CPQ: variants seen among roughly 807,000 people sequenced by gnomAD.
The protein encoded by CPQ is carboxypeptidase Q, also known as Ser-Met dipeptidase.
A neutral mutation model predicts 45.7 loss-of-function variants in CPQ; 37 were observed. The observed-to-expected ratio is 0.81, with a 90% CI of 0.62 to 1.07. CPQ has a LOEUF of 1.07. Among genes scored for constraint, CPQ ranks in the 50% least tolerant of loss-of-function variants. The probability of loss-of-function intolerance (pLI) is 0.00; values close to 1 mark genes in which losing one functional copy is unlikely to be tolerated. For synonymous variants in CPQ, 186 were observed against 205.8 expected (o/e 0.90, Z 0.82); for missense variants, 537 against 572.9 (o/e 0.94, Z 0.64).
At chr8:97,061,008 A>G (rs2513341) in intron 6 of CPQ, among the ~76,000 whole-genome samples, 117,847 of 152,054 alleles carry the variant, frequency 0.78, 45,775 homozygotes, top group African/African-American at 0.79. Context: ...GACGGTGGGT[A>G]GTTTGTTTTC....
At chr8:96,969,481 C>T (rs997140981) in intron 5 of CPQ, among the ~76,000 whole-genome samples, 2 of 151,456 alleles carry the variant, frequency 1.3e-5, no homozygotes, top group Non-Finnish European at 3.0e-5. Flanking sequence ...TTACTTTGGG[C>T]ACCTGGTAAA....
chr8:97,133,837 CT>C (rs1454722687), intron 7 of CPQ, among the ~76,000 whole-genome samples: 1 of 152,130 alleles, frequency 6.6e-6, no homozygotes, highest in Non-Finnish European at 1.5e-5. Flanking sequence ...AATAAATAAT[CT>C]TTGGGTGGAC....
intron 3 of CPQ, among the ~76,000 whole-genome samples, chr8:96,848,665 T>C (rs1343058443): frequency 1.3e-5 from 2 of 152,224 alleles, no homozygotes; most frequent in Non-Finnish European, 2.9e-5. Context: ...TTTTTATTGG[T>C]AGTATCATTA....
chr8:96,863,172 T>C (rs1313451267), intron 3 of CPQ, among the ~76,000 whole-genome samples: 1 of 152,080 alleles, frequency 6.6e-6, no homozygotes, highest in Non-Finnish European at 1.5e-5. Context: ...GTTTCTAGGA[T>C]TTCAAGCCAG....
chr8:96,888,135 T>G (rs1426299186), intron 4 of CPQ, among the ~76,000 whole-genome samples: 1 of 152,218 alleles, frequency 6.6e-6, no homozygotes, highest in African/African-American at 2.4e-5. Flanking sequence ...TAACCACTAA[T>G]GTCACTTCCT....
intron 4 of CPQ, among the ~76,000 whole-genome samples, chr8:96,960,097 G>A (rs1477035048): frequency 6.6e-6 from 1 of 152,112 alleles, no homozygotes; most frequent in East Asian, 1.9e-4. Flanking sequence ...AGCTAAGCAT[G>A]CCAAGAAAAT....
chr8:96,900,277 G>C (rs1440869580), intron 4 of CPQ, among the ~76,000 whole-genome samples: 2 of 152,170 alleles, frequency 1.3e-5, no homozygotes, highest in Non-Finnish European at 2.9e-5. Flanking sequence ...AAGCAATACA[G>C]AAGGAATGGG....
chr8:97,073,185 G>A (rs1052277155), intron 7 of CPQ, among the ~76,000 whole-genome samples: 4 of 152,116 alleles, frequency 2.6e-5, no homozygotes, highest in East Asian at 1.9e-4. Flanking sequence ...AGAATTTCAC[G>A]TATTTTCCAT....
At chr8:96,678,758 C>CTTTT (rs71267274) in intron 1 of CPQ, among the ~76,000 whole-genome samples, 1,420 of 114,804 alleles carry the variant, frequency 0.012, 48 homozygotes, top group East Asian at 0.019. Context: ...ATTATTTGGG[C>CTTTT]TTTTTTTTTT....
At chr8:96,716,518 T>C (rs963009096) in intron 1 of CPQ, among the ~76,000 whole-genome samples, 3 of 152,130 alleles carry the variant, frequency 2.0e-5, no homozygotes, top group African/African-American at 7.2e-5. Flanking sequence ...GTCCACTATA[T>C]CACTCTTAGG....
At chr8:97,080,030 G>A (rs544366335) in intron 7 of CPQ, among the ~76,000 whole-genome samples, 3 of 152,168 alleles carry the variant, frequency 2.0e-5, no homozygotes, top group East Asian at 1.9e-4. Flanking sequence ...GGCAGGCTCC[G>A]GCTAACCCAG....
intron 2 of CPQ, among the ~76,000 whole-genome samples, chr8:96,791,932 A>T (rs1810851479): frequency 6.6e-6 from 1 of 152,206 alleles, no homozygotes; most frequent in South Asian, 2.1e-4. Flanking sequence ...AATTTTTATG[A>T]GACTCCATAA....
At chr8:96,863,383 G>T (rs1379577822) in intron 3 of CPQ, among the ~76,000 whole-genome samples, 1 of 151,968 alleles carries the variant, frequency 6.6e-6, no homozygotes, top group Admixed American at 6.6e-5. Flanking sequence ...TATGATAGGG[G>T]AAGACATTTT....
intron 1 of CPQ, among the ~76,000 whole-genome samples, chr8:96,740,851 TGGATTC>T (rs1343735685): frequency 1.3e-5 from 2 of 152,212 alleles, no homozygotes; most frequent in South Asian, 4.1e-4. Context: ...GAGGTGCTGC[TGGATTC>T]GGTTTGCTAG....
At chr8:97,014,370 G>A (rs1415932877) in intron 5 of CPQ, among the ~76,000 whole-genome samples, 1 of 152,110 alleles carries the variant, frequency 6.6e-6, no homozygotes, top group Non-Finnish European at 1.5e-5. Context: ...TGGGTTAGTG[G>A]TCAGGCGCAG....
chr8:96,927,023 A>G (rs1812901432), intron 4 of CPQ, among the ~76,000 whole-genome samples: 1 of 152,262 alleles, frequency 6.6e-6, no homozygotes, highest in South Asian at 2.1e-4. Flanking sequence ...GTAAGCTGCA[A>G]CATGAGAAAT....
At chr8:96,816,848 A>G (rs1811235300) in intron 2 of CPQ, among the ~76,000 whole-genome samples, 1 of 152,170 alleles carries the variant, frequency 6.6e-6, no homozygotes, top group African/African-American at 2.4e-5. Context: ...AGTGGGCTTA[A>G]AATATTTACT....
chr8:96,687,443 T>C (rs529590243), intron 1 of CPQ, among the ~76,000 whole-genome samples: 2 of 152,094 alleles, frequency 1.3e-5, no homozygotes, highest in Admixed American at 6.5e-5. Flanking sequence ...GAACTTCGCC[T>C]CATGATCTGC....
chr8:96,820,196 G>T (rs568311672), intron 2 of CPQ, among the ~76,000 whole-genome samples: 1 of 152,036 alleles, frequency 6.6e-6, no homozygotes, highest in East Asian at 1.9e-4. Flanking sequence ...CGATCTGTAG[G>T]CTGCTGATTC....
Sources: gnomAD v4.1 joint callset for allele counts (sites outside exome capture counted in the v4.1 genomes callset) on GRCh38, gnomAD v4.1.1 for gene constraint, MANE v1.5 for transcripts, NCBI Gene and HGNC (gene_info 2026-07-23, HGNC 2026-07-21) for gene names.